OCA2: variants seen among roughly 807,000 people sequenced by gnomAD.
OCA2 encodes P protein.
Under a neutral mutation model 100.2 loss-of-function variants are expected in OCA2, and 77 were observed. The observed-to-expected ratio is 0.77, with a 90% CI of 0.64 to 0.93. OCA2 has a LOEUF of 0.93. Among genes scored for constraint, OCA2 ranks in the 40% least tolerant of loss-of-function variants. The pLI is 0.00. For missense variants in OCA2, 1,062 were observed against 1,089.1 expected (o/e 0.98, Z 0.35); for synonymous variants, 432 against 439.2 (o/e 0.98, Z 0.21).
At chr15:28,084,781 G>T (rs771024800) in intron 1 of OCA2, among the ~76,000 whole-genome samples, 1 of 152,198 alleles carries the variant, frequency 6.6e-6, no homozygotes, top group Non-Finnish European at 1.5e-5. Flanking sequence ...GTTACAGGAG[G>T]CCCCCTCAGA....
intron 23 of OCA2, among the ~76,000 whole-genome samples, chr15:27,838,824 C>T (rs1595494965): frequency 6.6e-6 from 1 of 152,152 alleles, no homozygotes; most frequent in African/African-American, 2.4e-5. Context: ...ATGTAGAACG[C>T]AGCTTTAAAC....
chr15:27,874,730 C>T (rs2036717149), intron 19 of OCA2, among the ~76,000 whole-genome samples: 2 of 152,104 alleles, frequency 1.3e-5, no homozygotes, highest in African/African-American at 4.8e-5. Flanking sequence ...CTATCATCTC[C>T]AGATGACATT....
chr15:27,807,084 G>C (rs2033885995), intron 23 of OCA2, among the ~76,000 whole-genome samples: 2 of 68,404 alleles, frequency 2.9e-5, no homozygotes, highest in South Asian at 1.9e-3. Flanking sequence ...TCTTGACCTA[G>C]TCACCCCCGG....
intron 19 of OCA2, among the ~76,000 whole-genome samples, chr15:27,882,275 G>T (rs2037052058): frequency 6.6e-6 from 1 of 152,130 alleles, no homozygotes; most frequent in African/African-American, 2.4e-5. Flanking sequence ...CTTTAGATTG[G>T]ATAATTTACA....
intron 23 of OCA2, among the ~76,000 whole-genome samples, chr15:27,843,939 G>A (rs948891036): frequency 5.9e-5 from 9 of 152,222 alleles, no homozygotes; most frequent in Admixed American, 1.3e-4. Context: ...ATCTTTACCC[G>A]AGGCTGGTTC....
intron 19 of OCA2, among the ~76,000 whole-genome samples, chr15:27,888,922 C>A (rs1028463190): frequency 6.6e-6 from 1 of 152,046 alleles, no homozygotes; most frequent in Non-Finnish European, 1.5e-5. Context: ...AGACCTGGTG[C>A]CTTCCCTCAT....
chr15:27,872,019 G>A (rs1006063058), intron 19 of OCA2, 97 bp from the exon 20 acceptor site: 9 of 867,340 alleles, frequency 1.0e-5, no homozygotes, highest in Admixed American at 1.8e-5. Flanking sequence ...GTGAACATAA[G>A]GTAGGCCCAG....
At chr15:28,068,727 C>T (rs1375102882) in intron 2 of OCA2, among the ~76,000 whole-genome samples, 1 of 152,192 alleles carries the variant, frequency 6.6e-6, no homozygotes, top group African/African-American at 2.4e-5. Flanking sequence ...AGTAGCACAT[C>T]GGAAAGTTAA....
chr15:28,004,708 G>GCACA (rs112838821), intron 9 of OCA2, among the ~76,000 whole-genome samples: 3,318 of 151,874 alleles, frequency 0.022, 139 homozygotes, highest in African/African-American at 0.076. Context: ...ACACTAACTT[G>GCACA]CACAGACACA....
intron 5 of OCA2, among the ~76,000 whole-genome samples, chr15:28,023,945 A>G (rs2042671127): frequency 6.6e-6 from 1 of 152,130 alleles, no homozygotes; most frequent in South Asian, 2.1e-4. Context: ...CACAGACAGG[A>G]GACCATATAC....
At chr15:27,986,771 C>T in intron 11 of OCA2, 128 bp from the exon 12 acceptor site, 1 of 753,366 alleles carries the variant, frequency 1.3e-6, no homozygotes, top group Non-Finnish European at 2.5e-6. Flanking sequence ...GCTCCTCACT[C>T]TGAGATGCAG....
rs1191079720 is a variant in OCA2, at chr15:27,862,748, T to G, written c.2244+8406A>C. Among the ~76,000 whole-genome samples the G allele has an allele frequency of 3.9e-5, 6 of 152,124 alleles. No individual in the cohort carries two copies. In the East Asian group the frequency reaches 1.2e-3, roughly 29 times the overall value. On this transcript the variant is annotated intron_variant, in intron 21 of 23. Coordinates refer to ENST00000354638, the MANE Select transcript of OCA2 (RefSeq NM_000275.3). ...CCTCAGCTTCCCAAAGTGCTAGGAT[T>G]CCAGGCATGAGCCTCCGTACCCAGC...
chr15:28,046,409 G>A (rs936106223), intron 2 of OCA2, among the ~76,000 whole-genome samples: 3 of 152,190 alleles, frequency 2.0e-5, no homozygotes, highest in African/African-American at 7.2e-5. Context: ...CAGCAGAAAA[G>A]AGTCTTGCAG....
At chr15:27,842,854 C>T (rs2035392038) in intron 23 of OCA2, among the ~76,000 whole-genome samples, 3 of 152,190 alleles carry the variant, frequency 2.0e-5, no homozygotes, top group African/African-American at 2.4e-5. Flanking sequence ...AGGTGTGTCA[C>T]ACACTGCACA....
intron 23 of OCA2, among the ~76,000 whole-genome samples, chr15:27,769,110 C>T (rs1566946637): frequency 6.6e-6 from 1 of 152,174 alleles, no homozygotes. Context: ...CTCCTCAAGG[C>T]AACAATCTCA....
intron 2 of OCA2, among the ~76,000 whole-genome samples, chr15:28,044,454 GCCTGGCATGGA>G (rs2043289871): frequency 6.6e-6 from 1 of 152,122 alleles, no homozygotes; most frequent in South Asian, 2.1e-4. Context: ...TGTCCCAGTG[GCCTGGCATGGA>G]CCTGACACAT....
At chr15:28,027,781 C>G in intron 4 of OCA2, 90 bp downstream of exon 4, 1 of 1,351,568 alleles carries the variant, frequency 7.4e-7, no homozygotes, top group Non-Finnish European at 1.0e-6. Flanking sequence ...TCCTCTTCTT[C>G]ACGCTGCTGG....
chr15:27,777,812 A>G (rs1158797244), intron 23 of OCA2, among the ~76,000 whole-genome samples: 1 of 152,218 alleles, frequency 6.6e-6, no homozygotes, highest in Non-Finnish European at 1.5e-5. Flanking sequence ...ACCTGTCTGC[A>G]GAGGGCCTGT....
At chr15:27,834,382 C>A (rs2151327971) in intron 23 of OCA2, among the ~76,000 whole-genome samples, 1 of 152,344 alleles carries the variant, frequency 6.6e-6, no homozygotes, top group Admixed American at 6.5e-5. Context: ...TATGCACTTC[C>A]TCATCTGGCT....
Sources: gnomAD v4.1 joint callset for allele counts (sites outside exome capture counted in the v4.1 genomes callset) on GRCh38, gnomAD v4.1.1 for gene constraint, MANE v1.5 for transcripts, NCBI Gene and HGNC (gene_info 2026-07-23, HGNC 2026-07-21) for gene names.